Variants in GPC6 observed in about 807,000 individuals in gnomAD.
GPC6 encodes the protein glypican 6.
GPC6 carries 14 observed loss-of-function variants against 55.2 expected under a neutral mutation model. That is an observed-to-expected ratio of 0.25 (90% CI 0.17 to 0.40). The LOEUF (loss-of-function observed/expected upper bound fraction) is 0.40. Ranked by LOEUF, GPC6 falls within the 10% of genes least tolerant of loss-of-function variation. GPC6 has a pLI of 1.00. For missense variants in GPC6, 641 were observed against 708.5 expected, an observed-to-expected ratio of 0.90 and a Z score of 1.08; for synonymous variants, 278 against 259.6, an observed-to-expected ratio of 1.07 and a Z score of -0.68.
intron 3 of GPC6, among the ~76,000 whole-genome samples, chr13:93,982,162 T>G (rs1443945033): frequency 6.6e-6 from 1 of 152,160 alleles, no homozygotes; most frequent in Non-Finnish European, 1.5e-5. Flanking sequence ...GGGCCTATGG[T>G]CTTCTAAAAG....
At chr13:94,288,273 A>G (rs1350650312) in intron 5 of GPC6, among the ~76,000 whole-genome samples, 3 of 152,158 alleles carry the variant, frequency 2.0e-5, no homozygotes, top group Non-Finnish European at 2.9e-5. Context: ...CACTTATTAT[A>G]TATTTTTTTC....
At chr13:93,577,667 A>G (rs1047045756) in intron 2 of GPC6, among the ~76,000 whole-genome samples, 2 of 151,990 alleles carry the variant, frequency 1.3e-5, no homozygotes, top group African/African-American at 4.8e-5. Context: ...TTTGACTTCC[A>G]GAAGGAAAAC....
At chr13:93,688,274 A>G (rs1467776902) in intron 2 of GPC6, among the ~76,000 whole-genome samples, 3 of 152,096 alleles carry the variant, frequency 2.0e-5, no homozygotes, top group East Asian at 1.9e-4. Flanking sequence ...GAGACCAGAA[A>G]TAAGCACAAG....
Position 93,679,876 on chromosome 13 carries a change from A to G in GPC6, c.319+134455A>G, listed in dbSNP as rs145110343. On this transcript the variant is annotated intron_variant, in intron 2 of 8. Coordinates refer to ENST00000377047, the MANE Select transcript of GPC6 (RefSeq NM_005708.5). ...AGTCACTGTCCCCAAGGATATGTGC[A>G]CACATATTATTATAATTATAATAGG... 1.7e-3 allele frequency among the ~76,000 whole-genome samples: 264 copies of G among 152,084 alleles called. 2 individuals are homozygous for G. The highest frequency in any genetic ancestry group is 6.0e-3 in the African/African-American group (249 of 41,536).
At chr13:93,988,725 A>G (rs1287213815) in intron 3 of GPC6, among the ~76,000 whole-genome samples, 1 of 152,180 alleles carries the variant, frequency 6.6e-6, no homozygotes, top group Non-Finnish European at 1.5e-5. Flanking sequence ...TCTACCTCCT[A>G]ATATTAAGAC....
intron 4 of GPC6, among the ~76,000 whole-genome samples, chr13:94,221,533 C>T (rs937140844): frequency 1.3e-5 from 2 of 152,062 alleles, no homozygotes; most frequent in Non-Finnish European, 2.9e-5. Context: ...TAAGGGTTAG[C>T]GCACTCACAT....
At chr13:93,959,865 C>G (rs1372425876) in intron 3 of GPC6, among the ~76,000 whole-genome samples, 1 of 152,178 alleles carries the variant, frequency 6.6e-6, no homozygotes, top group Non-Finnish European at 1.5e-5. Flanking sequence ...GTAAACTGCT[C>G]AAGATCACGC....
intron 4 of GPC6, among the ~76,000 whole-genome samples, chr13:94,266,471 T>C (rs1004448804): frequency 7.2e-5 from 11 of 152,174 alleles, no homozygotes; most frequent in African/African-American, 2.4e-4. Context: ...TCCAGCCATC[T>C]CCCTGTTTTT....
chr13:94,229,666 GA>G (rs1890662624), intron 4 of GPC6, among the ~76,000 whole-genome samples: 1 of 152,228 alleles, frequency 6.6e-6, no homozygotes. Flanking sequence ...CACAAGGTTA[GA>G]AGGATAGCCT....
At chr13:93,489,645 G>C (rs1048301492) in intron 1 of GPC6, among the ~76,000 whole-genome samples, 4 of 151,512 alleles carry the variant, frequency 2.6e-5, no homozygotes, top group Admixed American at 6.6e-5. Context: ...CTTTTATTTT[G>C]TTGAGCAGTG....
intron 3 of GPC6, among the ~76,000 whole-genome samples, chr13:94,007,257 T>C (rs1056947304): frequency 2.6e-5 from 4 of 152,192 alleles, no homozygotes; most frequent in Admixed American, 1.3e-4. Context: ...GAAACACTCA[T>C]CCATCCAGTG....
At chr13:93,295,311 A>AAAT in intron 1 of GPC6, among the ~76,000 whole-genome samples, 1 of 148,896 alleles carries the variant, frequency 6.7e-6, no homozygotes. Context: ...AAAAAAAAAA[A>AAAT]AAGAGAAAAA....
chr13:94,286,251 CATT>C, intron 4 of GPC6, 95 bp from the exon 5 acceptor site: 1 of 1,244,624 alleles, frequency 8.0e-7, no homozygotes, highest in Non-Finnish European at 1.2e-6. Flanking sequence ...GTGAATGCAC[CATT>C]ATTTTTCATC....
chr13:93,960,066 A>C (rs1447680113), intron 3 of GPC6, among the ~76,000 whole-genome samples: 1 of 152,190 alleles, frequency 6.6e-6, no homozygotes, highest in Non-Finnish European at 1.5e-5. Flanking sequence ...CTCAGGAGGT[A>C]GTGAAAAGGT....
At chr13:93,824,431 G>T (rs1887162215) in intron 2 of GPC6, among the ~76,000 whole-genome samples, 1 of 152,208 alleles carries the variant, frequency 6.6e-6, no homozygotes, top group African/African-American at 2.4e-5. Context: ...GTGAGTGAAT[G>T]TGAGTGCAAT....
chr13:94,085,493 G>C (rs1885251400), intron 4 of GPC6, among the ~76,000 whole-genome samples: 1 of 152,192 alleles, frequency 6.6e-6, no homozygotes, highest in African/African-American at 2.4e-5. Flanking sequence ...GGTATAACAA[G>C]GAAGGCGAGA....
chr13:94,320,528 A>C (rs1876764744), intron 6 of GPC6, among the ~76,000 whole-genome samples: 1 of 152,024 alleles, frequency 6.6e-6, no homozygotes, highest in Admixed American at 6.6e-5. Context: ...TTTCTATTTC[A>C]TCTTATCCTA....
intron 1 of GPC6, among the ~76,000 whole-genome samples, chr13:93,370,097 G>A (rs948435698): frequency 1.3e-5 from 2 of 152,018 alleles, no homozygotes; most frequent in African/African-American, 2.4e-5. Context: ...TTTAAATTGT[G>A]GAGGAGACCG....
chr13:93,726,605 C>A (rs1286606837), intron 2 of GPC6, among the ~76,000 whole-genome samples: 1 of 151,954 alleles, frequency 6.6e-6, no homozygotes, highest in Non-Finnish European at 1.5e-5. Context: ...TTTTTCTAAA[C>A]CTGTTTTAGT....
Sources: allele counts gnomAD v4.1 joint callset (sites outside exome capture counted in the v4.1 genomes callset), GRCh38; gene constraint gnomAD v4.1.1; transcripts MANE v1.5; gene names NCBI Gene and HGNC (gene_info 2026-07-23, HGNC 2026-07-21).